CAPRIN2: variants seen among roughly 807,000 people sequenced by gnomAD.
CAPRIN2 encodes caprin family member 2.
CAPRIN2 carries 66 observed loss-of-function variants against 130.4 expected under a neutral mutation model. The observed-to-expected ratio is 0.51, with a 90% confidence interval of 0.42 to 0.62. CAPRIN2 has a LOEUF of 0.62. Ranked by LOEUF, CAPRIN2 falls within the 20% of genes least tolerant of loss-of-function variation. CAPRIN2 has a pLI of 0.00. For synonymous variants in CAPRIN2, 471 were observed against 444.1 expected (o/e 1.06, Z -0.76); for missense variants, 1,185 against 1,246.6 (o/e 0.95, Z 0.74).
chr12:30,722,017 C>T (rs546254039), intron 11 of CAPRIN2, among the ~76,000 whole-genome samples: 59 of 152,174 alleles, frequency 3.9e-4, no homozygotes, highest in Admixed American at 1.0e-3. Context: ...AAAAGTAGAA[C>T]TGGCTGTTGT....
At chr12:30,727,209 GTTACA>G (rs1227279808) in intron 8 of CAPRIN2, among the ~76,000 whole-genome samples, 5 of 152,094 alleles carry the variant, frequency 3.3e-5, no homozygotes, top group Non-Finnish European at 7.4e-5. Context: ...TTTCAAAATA[GTTACA>G]TTACAGTTAC....
At chr12:30,724,076 C>A (rs997499360) in intron 10 of CAPRIN2, among the ~76,000 whole-genome samples, 3 of 152,220 alleles carry the variant, frequency 2.0e-5, no homozygotes, top group African/African-American at 7.2e-5. Context: ...AGGAGTCAAG[C>A]AACTTCTAGT....
chr12:30,735,062 C>T lies in CAPRIN2; in HGVS notation c.715G>A (p.Gly239Ser), dbSNP rs754525342. Residue 239 changes from glycine (G) to serine (S), a missense_variant, in exon 4 of 17, where the codon GGT (glycine) becomes AGT (serine). Physicochemically the swap from Gly to Ser is moderately conservative, Grantham distance 56. Coordinates refer to ENST00000298892, the Ensembl canonical transcript of CAPRIN2. Reference sequence around the variant, plus strand: ...GGCAAATACACTGCACCATTCAAACCCCCTTTGAAGTCTTTTTGTACGTGC... The same window carrying T: ...GGCAAATACACTGCACCATTCAAACTCCCTTTGAAGTCTTTTTGTACGTGC... 6 of 1,613,924 alleles carry T rather than the reference C, an allele frequency of 3.7e-6. No individual in the cohort carries two copies. In the African/African-American group the frequency reaches 5.3e-5, roughly 14 times the overall value.
In CAPRIN2 at chr12:30,752,920, G is replaced by A. The variant is rs118082314; in HGVS notation, c.420+424C>T. ...TCTTCACCTAACACCACAAAAGTAA[G>A]TGGTAAAACATTTTCTAGTTCTACT... On this transcript the variant is annotated intron_variant, in intron 1 of 16. Coordinates refer to ENST00000298892, the Ensembl canonical transcript of CAPRIN2. Among the ~76,000 whole-genome samples, 21 of 152,248 alleles carry A rather than the reference G, an allele frequency of 1.4e-4. No individual in the cohort carries two copies. In the East Asian group the frequency reaches 4.0e-3, roughly 29 times the overall value.
At chr12:30,711,438 A>G in intron 16 of CAPRIN2, 128 bp downstream of exon 18, 1 of 733,852 alleles carries the variant, frequency 1.4e-6, no homozygotes. Context: ...ACTACATTCA[A>G]GCAAATTGAA....
intron 15 of CAPRIN2, 61 bp downstream of exon 17, chr12:30,713,724 A>T (rs775313855): frequency 5.2e-6 from 5 of 957,582 alleles, no homozygotes; most frequent in Non-Finnish European, 8.2e-6. Flanking sequence ...ATATACTTCA[A>T]TCACCAGCTT....
chr12:30,725,861 G>T, intron 9 of CAPRIN2, 105 bp downstream of exon 10: 2 of 986,494 alleles, frequency 2.0e-6, no homozygotes, highest in Non-Finnish European at 2.7e-6. Flanking sequence ...GGAGGCAGCA[G>T]AGCCAGGACT....
intron 8 of CAPRIN2, 162 bp downstream of exon 9, chr12:30,728,486 C>T (rs891254616): frequency 1.0e-5 from 6 of 584,060 alleles, no homozygotes; most frequent in South Asian, 7.3e-5. Context: ...ATCCAGGAGG[C>T]GGAGGTTACA....
intron 4 of CAPRIN2, 78 bp from the exon 6 acceptor site, chr12:30,733,789 A>T: frequency 2.2e-6 from 2 of 899,056 alleles, no homozygotes; most frequent in Admixed American, 4.0e-5. Flanking sequence ...TATGCAATAT[A>T]ACCCATTAAC....
chr12:30,747,747 AG>A (rs2071421865), intron 2 of CAPRIN2, among the ~76,000 whole-genome samples: 1 of 152,218 alleles, frequency 6.6e-6, no homozygotes, highest in Non-Finnish European at 1.5e-5. Flanking sequence ...TTTGTCTAAT[AG>A]ATCCGGGCAA....
chr12:30,732,578 C>T (rs1405736520), intron 5 of CAPRIN2, among the ~76,000 whole-genome samples: 1 of 152,174 alleles, frequency 6.6e-6, no homozygotes, highest in African/African-American at 2.4e-5. Context: ...CCCCTGAAAA[C>T]CAATAACCCA....
chr12:30,719,218 A>G, intron 12 of CAPRIN2: 3 of 1,613,924 alleles, frequency 1.9e-6, no homozygotes, highest in East Asian at 4.5e-5. Flanking sequence ...GCCTGGGGGA[A>G]TTGCTGCCTG....
chr12:30,740,341 G>A (rs2139004219), intron 3 of CAPRIN2, among the ~76,000 whole-genome samples: 2 of 152,086 alleles, frequency 1.3e-5, no homozygotes, highest in South Asian at 4.2e-4. Flanking sequence ...ATCTTATGAG[G>A]CATGCTCTCC....
rs7962737 is a variant in CAPRIN2, at chr12:30,711,791, A to G, written c.2602-162T>C. 9.2e-3 allele frequency: 6,548 copies of G among 709,018 alleles called. 274 individuals are homozygous for G. The African/African-American group carries it at 0.1, about 11-fold the overall frequency. 43.9% of individuals were successfully genotyped at this position (709,018 alleles called of 1,614,324 possible). ...TCAGATGTTTCCAAACACTAAGAAAAACAAAGCAAGGGCAACAGTGGCATT... is the reference window on the plus strand; with the variant it reads ...TCAGATGTTTCCAAACACTAAGAAAGACAAAGCAAGGGCAACAGTGGCATT... On this transcript the variant is annotated intron_variant, in intron 15 of 16. Coordinates refer to ENST00000298892, the Ensembl canonical transcript of CAPRIN2.
intron 2 of CAPRIN2, among the ~76,000 whole-genome samples, chr12:30,746,742 G>A (rs2070671823): frequency 6.6e-6 from 1 of 152,344 alleles, no homozygotes; most frequent in South Asian, 2.1e-4. Flanking sequence ...CAGAAGAAAA[G>A]TTGGGAGCTA....
chr12:30,748,912 C>T (rs2072185329), intron 2 of CAPRIN2, among the ~76,000 whole-genome samples: 1 of 152,140 alleles, frequency 6.6e-6, no homozygotes, highest in South Asian at 2.1e-4. Context: ...ATGGAACTTA[C>T]ATTGTAAGGG....
At chr12:30,736,547 C>A (rs2064906711) in intron 3 of CAPRIN2, among the ~76,000 whole-genome samples, 1 of 152,170 alleles carries the variant, frequency 6.6e-6, no homozygotes, top group Non-Finnish European at 1.5e-5. Flanking sequence ...TTCACTGTGG[C>A]ATAATTAATC....
At chr12:30,728,657 T>C (rs754310769) in exon 8 of CAPRIN2, 21 of 1,605,184 alleles carry the variant, frequency 1.3e-5, no homozygotes, top group South Asian at 2.2e-5. Flanking sequence ...CATCTTTGGG[T>C]TCTGTGTTCA....
chr12:30,730,628 T>G (rs1373545767), intron 6 of CAPRIN2, among the ~76,000 whole-genome samples: 1 of 152,156 alleles, frequency 6.6e-6, no homozygotes, highest in Non-Finnish European at 1.5e-5. Context: ...GGGTAAAAAT[T>G]GGTCATCTCA....
Sources: allele counts gnomAD v4.1 joint callset (sites outside exome capture counted in the v4.1 genomes callset), GRCh38; gene constraint gnomAD v4.1.1; transcripts MANE v1.5; gene names NCBI Gene and HGNC (gene_info 2026-07-23, HGNC 2026-07-21).